The following SCN11A variants were observed in gnomAD, a reference collection of about 807,000 sequenced individuals.
The protein encoded by SCN11A is sodium voltage-gated channel alpha subunit 11, also known as sodium channel protein type 11 subunit alpha.
SCN11A carries 122 observed loss-of-function variants against 162.2 expected under a neutral mutation model. The observed-to-expected ratio is 0.75, with a 90% CI of 0.65 to 0.87. The LOEUF (loss-of-function observed/expected upper bound fraction) is 0.87. Ranked by LOEUF, SCN11A falls within the 40% of genes least tolerant of loss-of-function variation. The pLI is 0.00. For missense variants in SCN11A, 2,015 were observed against 2,181.6 expected, an observed-to-expected ratio of 0.92 and a Z score of 1.52; for synonymous variants, 758 against 751.5, an observed-to-expected ratio of 1.01 and a Z score of -0.14.
chr3:38,963,319 A>G (rs957005236), intron 2 of SCN11A, among the ~76,000 whole-genome samples: 5 of 144,540 alleles, frequency 3.5e-5, no homozygotes, highest in East Asian at 4.0e-4. Flanking sequence ...CCATCAATCA[A>G]TAAGTGGATA....
At chr3:38,870,785 A>C (rs991891784) in intron 25 of SCN11A, 41 bp from the exon 26 acceptor site, 1 of 1,571,756 alleles carries the variant, frequency 6.4e-7, no homozygotes, top group Non-Finnish European at 8.8e-7. Context: ...ACAAATGTAG[A>C]CTTGCCATCA....
chr3:39,039,414 T>A (rs2031987143), intron 1 of SCN11A, among the ~76,000 whole-genome samples: 1 of 152,198 alleles, frequency 6.6e-6, no homozygotes, highest in Non-Finnish European at 1.5e-5. Context: ...ACCTAAGCTG[T>A]CACGGCATGG....
chr3:38,874,781 T>G (rs1226541112), intron 23 of SCN11A, among the ~76,000 whole-genome samples: 1 of 152,170 alleles, frequency 6.6e-6, no homozygotes, highest in Non-Finnish European at 1.5e-5. Context: ...TTGTATATGT[T>G]GTGAATAATA....
At chr3:38,858,119 C>A (rs1337102030) in intron 28 of SCN11A, among the ~76,000 whole-genome samples, 1 of 151,996 alleles carries the variant, frequency 6.6e-6, no homozygotes, top group Non-Finnish European at 1.5e-5. Context: ...TTTTAAAAAA[C>A]CCAACAAAGT....
At chr3:38,936,917 A>G (rs2066341944) in intron 7 of SCN11A, among the ~76,000 whole-genome samples, 1 of 152,162 alleles carries the variant, frequency 6.6e-6, no homozygotes, top group Non-Finnish European at 1.5e-5. Context: ...TCACCAAGTC[A>G]ATCCTAAGCC....
intron 2 of SCN11A, among the ~76,000 whole-genome samples, chr3:39,029,750 C>T (rs972654332): frequency 6.6e-6 from 1 of 152,178 alleles, no homozygotes; most frequent in African/African-American, 2.4e-5. Flanking sequence ...GCAACTGCCC[C>T]TCCCACAATA....
chr3:38,976,003 A>G (rs1418500885), intron 2 of SCN11A, among the ~76,000 whole-genome samples: 3 of 152,194 alleles, frequency 2.0e-5, no homozygotes, highest in African/African-American at 7.2e-5. Context: ...TTTTAAAAGG[A>G]AAAAAGAGTG....
chr3:38,983,235 G>T (rs2030122371), intron 2 of SCN11A, among the ~76,000 whole-genome samples: 1 of 152,104 alleles, frequency 6.6e-6, no homozygotes, highest in South Asian at 2.1e-4. Flanking sequence ...CTTCACCCCT[G>T]AGCTTTGATG....
In SCN11A at chr3:38,847,142, T is replaced by A. The variant is rs2064683751; in HGVS notation, c.4928A>T (p.Tyr1643Phe). 1 of 1,614,250 alleles carries A rather than the reference T, an allele frequency of 6.2e-7. No homozygotes were observed. The highest frequency in any genetic ancestry group is 2.2e-5 in the East Asian group (1 of 44,884). Residue 1643 changes from tyrosine to phenylalanine, a missense_variant, in exon 30 of 30, where the codon TAT becomes TTT. Tyr to Phe is a conservative substitution (Grantham distance 22, BLOSUM62 3). Transcript: ENST00000302328. Reference sequence around the variant, plus strand: ...ATCAGCAAAGTCAGAAAGGGCAGAATATTTGATAAATTGTGTTGCTTCTGG... The same window carrying A: ...ATCAGCAAAGTCAGAAAGGGCAGAAAATTTGATAAATTGTGTTGCTTCTGG... The part of the protein sequence containing the change: ...FDPEATQFIK[Y>F]SALSDFADAL...
chr3:38,852,470 TA>T (rs113686312), intron 28 of SCN11A, among the ~76,000 whole-genome samples: 105 of 152,312 alleles, frequency 6.9e-4, no homozygotes, highest in African/African-American at 2.3e-3. Context: ...ATAAATTACC[TA>T]AAGTGTTGGA....
intron 19 of SCN11A, among the ~76,000 whole-genome samples, chr3:38,888,210 GA>G (rs1323232200): frequency 6.6e-6 from 1 of 152,182 alleles, no homozygotes; most frequent in Non-Finnish European, 1.5e-5. Flanking sequence ...AGGGAGACAG[GA>G]AGAAGTACAA....
intron 2 of SCN11A, among the ~76,000 whole-genome samples, chr3:38,969,176 G>A (rs1488994640): frequency 6.6e-6 from 1 of 152,250 alleles, no homozygotes; most frequent in East Asian, 1.9e-4. Flanking sequence ...ACTGAGGCTA[G>A]GATAGGTGGC....
intron 19 of SCN11A, among the ~76,000 whole-genome samples, chr3:38,891,300 T>A (rs1016029243): frequency 6.6e-6 from 1 of 151,734 alleles, no homozygotes; most frequent in Non-Finnish European, 1.5e-5. Flanking sequence ...AACAGTACAT[T>A]TGAAGAAAGA....
At chr3:38,929,966 G>C (rs2066215568) in intron 7 of SCN11A, among the ~76,000 whole-genome samples, 2 of 152,112 alleles carry the variant, frequency 1.3e-5, no homozygotes, top group Admixed American at 6.5e-5. Context: ...TATCCAGTCT[G>C]TGGTATTTTG....
At chr3:38,924,627 C>T (rs2066107880) in intron 9 of SCN11A, among the ~76,000 whole-genome samples, 1 of 152,140 alleles carries the variant, frequency 6.6e-6, no homozygotes, top group Non-Finnish European at 1.5e-5. Context: ...CCTGCCTCAG[C>T]CTTCCAAAGT....
intron 7 of SCN11A, among the ~76,000 whole-genome samples, chr3:38,935,289 T>G (rs2066312253): frequency 1.3e-5 from 2 of 151,436 alleles, no homozygotes; most frequent in Admixed American, 1.3e-4. Flanking sequence ...GATCCAAAAT[T>G]GACACCCTAA....
chr3:39,033,864 A>G (rs959641516), intron 1 of SCN11A, among the ~76,000 whole-genome samples: 1 of 152,158 alleles, frequency 6.6e-6, no homozygotes, highest in Non-Finnish European at 1.5e-5. Context: ...TAAGTAATCT[A>G]GAGATAATTA....
At chr3:38,898,093 C>G (rs980153841) in intron 17 of SCN11A, among the ~76,000 whole-genome samples, 7 of 151,892 alleles carry the variant, frequency 4.6e-5, no homozygotes, top group Non-Finnish European at 8.8e-5. Flanking sequence ...CAAAAATTAG[C>G]CAGGCGTGGT....
chr3:39,009,280 A>C (rs1257158123), intron 2 of SCN11A, among the ~76,000 whole-genome samples: 2 of 152,086 alleles, frequency 1.3e-5, no homozygotes, highest in Non-Finnish European at 2.9e-5. Flanking sequence ...GTATTAATAC[A>C]TAGATTTTAT....
Sources: allele counts gnomAD v4.1 joint callset (sites outside exome capture counted in the v4.1 genomes callset), GRCh38; gene constraint gnomAD v4.1.1; transcripts MANE v1.5; gene names NCBI Gene and HGNC (gene_info 2026-07-23, HGNC 2026-07-21).